Variants in CTPS2 observed in about 807,000 individuals in gnomAD.
The protein encoded by CTPS2 is CTP synthase 2.
A neutral mutation model predicts 46.8 loss-of-function variants in CTPS2; 19 were observed. The ratio of observed to expected loss-of-function variants is 0.41; its 90% CI spans 0.28 to 0.60. CTPS2 has a LOEUF of 0.60. Among genes scored for constraint, CTPS2 ranks in the 20% least tolerant of loss-of-function variants. CTPS2 has a pLI of 0.35. For missense variants in CTPS2, 286 were observed against 447.6 expected (o/e 0.64, Z 3.26); for synonymous variants, 151 against 165.2 (o/e 0.91, Z 0.66).
intron 1 of CTPS2, among the ~76,000 whole-genome samples, chrX:16,710,650 C>T (rs762873034): frequency 6.3e-5 from 7 of 111,725 alleles, no homozygotes; most frequent in Admixed American, 1.9e-4. Context: ...GTTGGAGTCG[C>T]GCTCTGTCAC....
At chrX:16,679,091 C>T (rs912020564) in intron 9 of CTPS2, among the ~76,000 whole-genome samples, 1 of 111,121 alleles carries the variant, frequency 9.0e-6, no homozygotes, top group African/African-American at 3.3e-5. Context: ...GGCGCATTGG[C>T]TCATGCCTGT....
Position 16,689,448 on chromosome X carries a change from AC to A in CTPS2, c.872+1del, listed in dbSNP as rs1923513850. The stretch of plus-strand genomic sequence containing the variant: ...ATTATACAAGTAATTCCTTTCGCTT[AC>A]CTGTCAGCCATATTTCTCCACTTAA... On this transcript the variant is annotated splice_donor_variant, in intron 8 of 18. Coordinates refer to ENST00000359276, the MANE Select transcript of CTPS2 (RefSeq NM_175859.3). LOFTEE classifies it high-confidence loss of function. 8.3e-7 allele frequency: 1 copy of A among 1,207,145 alleles called. No homozygotes were observed. Among genetic ancestry groups the A allele is most frequent in the African/African-American group, 1.7e-5 (1 of 57,198 alleles).
chrX:16,696,320 A>G (rs1924116394), intron 4 of CTPS2, among the ~76,000 whole-genome samples: 2 of 111,939 alleles, frequency 1.8e-5, no homozygotes, highest in South Asian at 7.5e-4. Flanking sequence ...GACCACTAGT[A>G]TCCAATAAGC....
At chrX:16,667,635 A>G (rs1230075994) in intron 12 of CTPS2, 27 bp downstream of exon 12, 1 of 1,208,542 alleles carries the variant, frequency 8.3e-7, no homozygotes, top group South Asian at 1.8e-5. Flanking sequence ...TTTTAAATAA[A>G]TGGTCATTAG....
chrX:16,641,507 G>A (rs2147246189), intron 13 of CTPS2, among the ~76,000 whole-genome samples: 1 of 112,606 alleles, frequency 8.9e-6, no homozygotes, highest in South Asian at 3.6e-4. Flanking sequence ...CAACCCTTTG[G>A]GAGACCAAGG....
At chrX:16,680,055 C>T (rs1236831898) in intron 9 of CTPS2, among the ~76,000 whole-genome samples, 1 of 111,136 alleles carries the variant, frequency 9.0e-6, no homozygotes, top group Non-Finnish European at 1.9e-5. Flanking sequence ...AGCTGGAAAC[C>T]AGCCCGGAAG....
At chrX:16,663,452 C>CT (rs1213132547) in intron 13 of CTPS2, among the ~76,000 whole-genome samples, 3 of 111,468 alleles carry the variant, frequency 2.7e-5, no homozygotes, top group African/African-American at 9.8e-5. Context: ...TAGCCAAGAT[C>CT]TTTTTTTTAA....
intron 8 of CTPS2, among the ~76,000 whole-genome samples, chrX:16,686,419 C>G (rs1346863520): frequency 9.0e-6 from 1 of 111,502 alleles, no homozygotes; most frequent in African/African-American, 3.3e-5. Flanking sequence ...GTGGCCCCCC[C>G]CCAAAGAAAT....
chrX:16,609,122 A>AT (rs1175429362), intron 17 of CTPS2, among the ~76,000 whole-genome samples: 1 of 111,901 alleles, frequency 8.9e-6, no homozygotes, highest in East Asian at 2.8e-4. Context: ...AAATATTTGC[A>AT]GCCTAACAAA....
rs756452994 is a variant in CTPS2, at chrX:16,701,701, C to T, written c.166+1036G>A. 1.2e-3 allele frequency among the ~76,000 whole-genome samples: 130 copies of T among 108,927 alleles called. 1 individual carries two copies. Among genetic ancestry groups the T allele is most frequent in the Admixed American group, 2.4e-3 (25 of 10,223 alleles). 94.6% of individuals were successfully genotyped at this position (108,927 alleles called of 115,157 possible). A position where few individuals can be genotyped will look rare whatever the true frequency, so the allele number is the denominator to read the frequency against. ...ACTGCAAGTTCGCCTCCTGGGTTCACGCCATTCTCCCACCTTAGCCTCCCG... is the reference window on the plus strand; with the variant it reads ...ACTGCAAGTTCGCCTCCTGGGTTCATGCCATTCTCCCACCTTAGCCTCCCG... On this transcript the variant is annotated intron_variant, in intron 2 of 18. Coordinates refer to ENST00000359276, the MANE Select transcript of CTPS2 (RefSeq NM_175859.3).
chrX:16,663,632 T>C (rs1933040307), intron 13 of CTPS2, among the ~76,000 whole-genome samples: 1 of 110,529 alleles, frequency 9.0e-6, no homozygotes, highest in African/African-American at 3.3e-5. Flanking sequence ...GAGGCTGTAG[T>C]GCGCTATGAT....
intron 13 of CTPS2, among the ~76,000 whole-genome samples, chrX:16,663,489 G>T (rs1460460893): frequency 9.0e-6 from 1 of 111,153 alleles, no homozygotes; most frequent in African/African-American, 3.3e-5. Flanking sequence ...TATGTGTGTG[G>T]CTAAGTGGGT....
chrX:16,688,711 G>T (rs1457490991), intron 8 of CTPS2, among the ~76,000 whole-genome samples: 1 of 111,474 alleles, frequency 9.0e-6, no homozygotes, highest in Non-Finnish European at 1.9e-5. Flanking sequence ...ATAGCCAAAA[G>T]TTCCCATCCA....
chrX:16,668,247 G>C (rs375793101), intron 11 of CTPS2, among the ~76,000 whole-genome samples: 1 of 108,178 alleles, frequency 9.2e-6, no homozygotes. Flanking sequence ...GGGTGAGAAA[G>C]AAGGAAGGAA....
intron 17 of CTPS2, among the ~76,000 whole-genome samples, chrX:16,596,085 G>C (rs1211594512): frequency 9.0e-6 from 1 of 111,184 alleles, no homozygotes; most frequent in Non-Finnish European, 1.9e-5. Context: ...TGTTGCCCAG[G>C]CTGGCCTAGA....
chrX:16,669,365 A>C (rs759309114), intron 11 of CTPS2, among the ~76,000 whole-genome samples: 1 of 106,731 alleles, frequency 9.4e-6, no homozygotes, highest in Admixed American at 1.0e-4. Context: ...GGGAGCAATC[A>C]ATATATCAGG....
chrX:16,668,770 A>AAAGGAAGGAAGGAAGGAAGG (rs753753580), intron 11 of CTPS2, among the ~76,000 whole-genome samples: 21 of 73,619 alleles, frequency 2.9e-4, no homozygotes, highest in African/African-American at 1.0e-3. Flanking sequence ...GGAAGGAAGG[A>AAAGGAAGGAAGGAAGGAAGG]AAGGAAGGAA....
At chrX:16,612,105 T>A (rs972403121) in intron 16 of CTPS2, among the ~76,000 whole-genome samples, 1 of 112,031 alleles carries the variant, frequency 8.9e-6, no homozygotes, top group Non-Finnish European at 1.9e-5. Context: ...ATCCAAAAAA[T>A]CCTCTATGCC....
At chrX:16,700,499 T>C (rs1179669019) in intron 2 of CTPS2, among the ~76,000 whole-genome samples, 1 of 99,905 alleles carries the variant, frequency 1.0e-5, no homozygotes, top group Non-Finnish European at 2.0e-5. Context: ...GAGGCGGAGG[T>C]TGCAGTGAGC....
Sources: gnomAD v4.1 joint callset for allele counts (sites outside exome capture counted in the v4.1 genomes callset) on GRCh38, gnomAD v4.1.1 for gene constraint, MANE v1.5 for transcripts, NCBI Gene and HGNC (gene_info 2026-07-23, HGNC 2026-07-21) for gene names.